BEND5: variants seen among roughly 807,000 people sequenced by gnomAD.
BEND5 encodes the protein BEN domain containing 5.
BEND5 carries 22 observed loss-of-function variants against 43.9 expected under a neutral mutation model. The observed-to-expected ratio is 0.50, with a 90% confidence interval of 0.36 to 0.72. BEND5 has a LOEUF of 0.72. Ranked by LOEUF, BEND5 falls within the 30% of genes least tolerant of loss-of-function variation. The pLI is 0.00. For missense variants in BEND5, 428 were observed against 550.6 expected (o/e 0.78, Z 2.23); for synonymous variants, 228 against 225.9 (o/e 1.01, Z -0.08).
At chr1:48,768,075 T>C (rs977813086) in intron 1 of BEND5, among the ~76,000 whole-genome samples, 1 of 152,220 alleles carries the variant, frequency 6.6e-6, no homozygotes, top group African/African-American at 2.4e-5. Context: ...AAATCAAGTC[T>C]GTTTAATACA....
chr1:48,734,352 C>G (rs533869460), intron 5 of BEND5, among the ~76,000 whole-genome samples: 74 of 152,220 alleles, frequency 4.9e-4, no homozygotes, highest in African/African-American at 1.6e-3. Flanking sequence ...CAAAATACAC[C>G]CTACACTTGG....
chr1:48,762,001 A>G (rs1471460337), intron 1 of BEND5, among the ~76,000 whole-genome samples: 1 of 152,216 alleles, frequency 6.6e-6, no homozygotes, highest in Non-Finnish European at 1.5e-5. Context: ...GAGGTAAGGC[A>G]GACGGGAGAA....
rs150209705 is a variant in BEND5, at chr1:48,759,029, G to A, written c.616C>T (p.Arg206Trp). ...EMRHLQQELE[R>W]TRRQLVQQAK... ...TGTTGTACCAGCTGCCTCCGAGTCC[G>A]CTCCAGCTCCTGCTGGAGGTGGCGC... is the stretch of plus-strand genomic sequence containing the variant. Residue 206 changes from arginine (R) to tryptophan (W), a missense_variant, in exon 3 of 6, where the codon CGG (arginine) becomes TGG (tryptophan). Physicochemically the swap from Arg to Trp is moderately radical, Grantham distance 101. Around this residue, in one of 4 missense-constraint regions of BEND5, gnomAD observed 243 missense variants for 286.4 expected, o/e 0.85. Transcript: ENST00000371833. The A allele has an allele frequency of 1.7e-5, 27 of 1,613,848 alleles. No individual in the cohort carries two copies. The African/African-American group carries it at 1.9e-4, about 11-fold the overall frequency.
At chr1:48,732,777 T>G (rs1353026172) in intron 5 of BEND5, among the ~76,000 whole-genome samples, 1 of 152,088 alleles carries the variant, frequency 6.6e-6, no homozygotes, top group Non-Finnish European at 1.5e-5. Flanking sequence ...AAGGGCACAC[T>G]GAAGGCAATG....
intron 5 of BEND5, among the ~76,000 whole-genome samples, chr1:48,729,785 T>C (rs776463357): frequency 2.0e-5 from 3 of 151,936 alleles, no homozygotes; most frequent in Non-Finnish European, 2.9e-5. Flanking sequence ...AGAAGGGTTT[T>C]GCAAAGAGAA....
At chr1:48,746,741 A>G (rs1342098293) in intron 3 of BEND5, among the ~76,000 whole-genome samples, 1 of 152,174 alleles carries the variant, frequency 6.6e-6, no homozygotes, top group Admixed American at 6.5e-5. Context: ...TCTGCAACTC[A>G]GCTTTCCTAC....
At chr1:48,744,247 G>A (rs1479522798) in intron 3 of BEND5, among the ~76,000 whole-genome samples, 1 of 152,156 alleles carries the variant, frequency 6.6e-6, no homozygotes, top group Non-Finnish European at 1.5e-5. Flanking sequence ...GGCTGAGTAG[G>A]CACTCTCTAA....
intron 3 of BEND5, among the ~76,000 whole-genome samples, chr1:48,750,483 G>A (rs1295455785): frequency 6.6e-6 from 1 of 152,164 alleles, no homozygotes; most frequent in Admixed American, 6.5e-5. Context: ...TCCTACCCCA[G>A]CCATGTAAGG....
At chr1:48,764,196 A>T (rs1289878726) in intron 1 of BEND5, among the ~76,000 whole-genome samples, 1 of 152,234 alleles carries the variant, frequency 6.6e-6, no homozygotes, top group East Asian at 1.9e-4. Context: ...CCGTCAGTGT[A>T]ACCCTGGAAG....
At chr1:48,734,946 G>A (rs1373432054) in intron 5 of BEND5, among the ~76,000 whole-genome samples, 1 of 152,204 alleles carries the variant, frequency 6.6e-6, no homozygotes, top group East Asian at 1.9e-4. Context: ...TAGGAGCACA[G>A]ATTCTGAAGA....
chr1:48,729,895 C>G (rs926633675), intron 5 of BEND5, among the ~76,000 whole-genome samples: 3 of 152,166 alleles, frequency 2.0e-5, no homozygotes, highest in Non-Finnish European at 4.4e-5. Context: ...TCCATAAGGA[C>G]TGAGAGACAA....
At chr1:48,773,856 T>G (rs1426913243) in intron 1 of BEND5, among the ~76,000 whole-genome samples, 1 of 152,210 alleles carries the variant, frequency 6.6e-6, no homozygotes, top group Non-Finnish European at 1.5e-5. Context: ...CTTAGAGGAC[T>G]AACAGAGATA....
intron 5 of BEND5, among the ~76,000 whole-genome samples, chr1:48,730,560 AG>A (rs1373978168): frequency 6.6e-6 from 1 of 152,138 alleles, no homozygotes; most frequent in Non-Finnish European, 1.5e-5. Context: ...AGCATTAGTC[AG>A]GGAAGTGGTA....
At chr1:48,766,856 T>A (rs555254293) in intron 1 of BEND5, among the ~76,000 whole-genome samples, 9 of 152,344 alleles carry the variant, frequency 5.9e-5, no homozygotes, top group African/African-American at 2.2e-4. Context: ...GAACATTTAC[T>A]GTTCCTGTTT....
In BEND5 at chr1:48,747,383, G is replaced by A. The variant is rs560640547; in HGVS notation, c.746-4612C>T. Among the ~76,000 whole-genome samples, 133 of 152,284 alleles carry A rather than the reference G, an allele frequency of 8.7e-4. 1 individual carries two copies. Among genetic ancestry groups the A allele is most frequent in the African/African-American group, 3.2e-3 (132 of 41,548 alleles). ...AAGCTTTTAAAAAGTATGAAAGGTA[G>A]TACTTGTCTTTTCATTCAATCATTC... On this transcript the variant is annotated intron_variant, in intron 3 of 5. Transcript: ENST00000371833.
At chr1:48,749,393 G>T (rs1651297317) in intron 3 of BEND5, among the ~76,000 whole-genome samples, 1 of 152,138 alleles carries the variant, frequency 6.6e-6, no homozygotes, top group Non-Finnish European at 1.5e-5. Flanking sequence ...CACGTGTTTA[G>T]CGAAAGAAGT....
At chr1:48,766,667 G>A (rs1260418011) in intron 1 of BEND5, among the ~76,000 whole-genome samples, 1 of 152,164 alleles carries the variant, frequency 6.6e-6, no homozygotes, top group Non-Finnish European at 1.5e-5. Flanking sequence ...TGATTCACAT[G>A]CCTCTTGACC....
chr1:48,776,674 C>G lies in BEND5; in HGVS notation c.158G>C (p.Ser53Thr), dbSNP rs1645106805. 1.3e-6 allele frequency: 2 copies of G among 1,506,216 alleles called. No individual in the cohort carries two copies. The highest frequency in any genetic ancestry group is 1.8e-6 in the Non-Finnish European group (2 of 1,129,564). The allele number at this position is 1,506,216 out of a possible 1,614,324, so 93.3% of individuals were successfully genotyped here. Residue 53 changes from serine to threonine, a missense_variant, in exon 1 of 6, where the codon AGC (serine) becomes ACC (threonine). This residue lies in a region of BEND5 where 107 missense variants were observed against 98.8 expected (regional missense o/e 1.08). Coordinates refer to ENST00000371833, the MANE Select transcript of BEND5 (RefSeq NM_024603.4). ...CCAGTCGCGGGGGGCGCGCGGGGGG[C>G]TCTCGGGCCCGGCGCCCAATTCCTC... ...GPEELGAGPESPPRAPRDWGA... is the reference protein window; with the variant it reads ...GPEELGAGPETPPRAPRDWGA...
At chr1:48,739,047 G>C (rs1649503919) in intron 4 of BEND5, among the ~76,000 whole-genome samples, 1 of 152,134 alleles carries the variant, frequency 6.6e-6, no homozygotes, top group Non-Finnish European at 1.5e-5. Flanking sequence ...CTGCCACCAC[G>C]GTGGTACTGA....
Sources: allele counts gnomAD v4.1 joint callset (sites outside exome capture counted in the v4.1 genomes callset), GRCh38; gene constraint gnomAD v4.1.1; regional missense constraint gnomAD v4.1.1; transcripts MANE v1.5; gene names NCBI Gene and HGNC (gene_info 2026-07-23, HGNC 2026-07-21).